The following ADAMTSL3 variants were observed in gnomAD, a reference collection of about 807,000 sequenced individuals.
The protein encoded by ADAMTSL3 is ADAMTS like 3, also known as ADAMTS-like protein 3.
In ADAMTSL3, 128 loss-of-function variants were observed where a neutral mutation model predicts 201.7. That is an observed-to-expected ratio of 0.63 (90% CI 0.55 to 0.73). The LOEUF (loss-of-function observed/expected upper bound fraction) is 0.73. Ranked by LOEUF, ADAMTSL3 falls within the 30% of genes least tolerant of loss-of-function variation. ADAMTSL3 has a pLI of 0.00. For missense variants in ADAMTSL3, 1,990 were observed against 2,119.6 expected (o/e 0.94, Z 1.20); for synonymous variants, 738 against 748.4 (o/e 0.99, Z 0.23).
chr15:83,764,648 G>A (rs76673266), intron 3 of ADAMTSL3, among the ~76,000 whole-genome samples: 1,632 of 152,114 alleles, frequency 0.011, 41 homozygotes, highest in African/African-American at 0.036. Context: ...CCCATCTAGC[G>A]TGCAGGGCCA....
At chr15:83,922,799 G>T (rs946009620) in intron 16 of ADAMTSL3, among the ~76,000 whole-genome samples, 1 of 152,138 alleles carries the variant, frequency 6.6e-6, no homozygotes, top group Non-Finnish European at 1.5e-5. Context: ...ACTGTAAAAT[G>T]GTTGAATTGA....
chr15:83,923,845 T>G, intron 16 of ADAMTSL3, 59 bp from the exon 17 acceptor site: 1 of 1,595,280 alleles, frequency 6.3e-7, no homozygotes, highest in Non-Finnish European at 8.6e-7. Flanking sequence ...CTCTATTTTC[T>G]TTTTTCCACA....
chr15:83,842,537 G>A (rs1049700731), intron 7 of ADAMTSL3, among the ~76,000 whole-genome samples: 2 of 152,180 alleles, frequency 1.3e-5, no homozygotes, highest in Non-Finnish European at 2.9e-5. Flanking sequence ...CTGAGAGGGG[G>A]ATAAGGGAAC....
chr15:83,847,428 CA>C (rs1490301794), intron 7 of ADAMTSL3, among the ~76,000 whole-genome samples: 8 of 151,914 alleles, frequency 5.3e-5, no homozygotes, highest in African/African-American at 1.9e-4. Flanking sequence ...GAGCTTGAAG[CA>C]AACCTTACTA....
At chr15:83,879,498 C>G (rs2065234794) in intron 9 of ADAMTSL3, among the ~76,000 whole-genome samples, 1 of 152,086 alleles carries the variant, frequency 6.6e-6, no homozygotes, top group Non-Finnish European at 1.5e-5. Flanking sequence ...ATTATATATT[C>G]TTTGACTTGT....
chr15:83,805,908 A>G (rs76402678), intron 5 of ADAMTSL3, among the ~76,000 whole-genome samples: 1 of 152,188 alleles, frequency 6.6e-6, no homozygotes, highest in Non-Finnish European at 1.5e-5. Flanking sequence ...ACCACTGCAG[A>G]CACATGTAGT....
intron 4 of ADAMTSL3, among the ~76,000 whole-genome samples, chr15:83,787,292 T>C (rs2063280262): frequency 6.6e-6 from 1 of 152,202 alleles, no homozygotes; most frequent in African/African-American, 2.4e-5. Flanking sequence ...GCATAGATGG[T>C]GTAATTCATC....
At chr15:83,913,407 T>C in intron 16 of ADAMTSL3, 29 bp downstream of exon 16, 1 of 1,603,332 alleles carries the variant, frequency 6.2e-7, no homozygotes, top group Non-Finnish European at 8.5e-7. Flanking sequence ...AAGGGACAGT[T>C]ATGTTGTGTG....
intron 15 of ADAMTSL3, among the ~76,000 whole-genome samples, chr15:83,901,757 C>T (rs2065728535): frequency 6.6e-6 from 1 of 152,170 alleles, no homozygotes; most frequent in South Asian, 2.1e-4. Context: ...CTAAATGCTG[C>T]TGGAACCTTC....
chr15:83,797,641 A>G lies in ADAMTSL3; in HGVS notation c.318-7009A>G, dbSNP rs1308359603. On this transcript the variant is annotated intron_variant, in intron 4 of 29. Coordinates refer to ENST00000286744, the MANE Select transcript of ADAMTSL3 (RefSeq NM_207517.3). ...AAGAATATGAAATGACATATTTCAC[A>G]TTCTTCATATTGGGAAAAAAAAGTT... Among the ~76,000 whole-genome samples the G allele has an allele frequency of 2.0e-5, 3 of 152,296 alleles. No individual in the cohort carries two copies. In the East Asian group the frequency reaches 5.8e-4, roughly 29 times the overall value.
chr15:83,839,140 G>A (rs1302395334), intron 7 of ADAMTSL3, among the ~76,000 whole-genome samples: 1 of 152,144 alleles, frequency 6.6e-6, no homozygotes, highest in Non-Finnish European at 1.5e-5. Flanking sequence ...CCCCTTGTTG[G>A]TGGTATTCAG....
intron 19 of ADAMTSL3, among the ~76,000 whole-genome samples, chr15:83,967,151 T>A (rs1349027983): frequency 6.6e-6 from 1 of 152,148 alleles, no homozygotes; most frequent in Non-Finnish European, 1.5e-5. Flanking sequence ...CCACTCTTAT[T>A]TAACATAGTA....
intron 3 of ADAMTSL3, among the ~76,000 whole-genome samples, chr15:83,761,474 C>A (rs2062807678): frequency 1.3e-5 from 2 of 152,148 alleles, no homozygotes; most frequent in African/African-American, 4.8e-5. Context: ...TAAGACTGGT[C>A]TGCTGAAGAT....
At chr15:83,703,598 C>A (rs2061805259) in intron 2 of ADAMTSL3, among the ~76,000 whole-genome samples, 3 of 152,172 alleles carry the variant, frequency 2.0e-5, no homozygotes, top group South Asian at 4.1e-4. Context: ...ATCCCTCTCA[C>A]TTTCTCTTGT....
intron 2 of ADAMTSL3, among the ~76,000 whole-genome samples, chr15:83,668,935 T>C (rs912241613): frequency 3.3e-5 from 5 of 152,206 alleles, no homozygotes; most frequent in African/African-American, 7.2e-5. Context: ...CATGAGTCTT[T>C]TAAGCTTCTG....
At chr15:83,971,116 C>A (rs2067187255) in intron 20 of ADAMTSL3, among the ~76,000 whole-genome samples, 2 of 152,110 alleles carry the variant, frequency 1.3e-5, no homozygotes, top group South Asian at 4.2e-4. Context: ...GTTTGTACAC[C>A]TCAATTAATT....
intron 19 of ADAMTSL3, among the ~76,000 whole-genome samples, chr15:83,959,079 T>C (rs1304679933): frequency 1.3e-5 from 2 of 152,120 alleles, no homozygotes; most frequent in Non-Finnish European, 2.9e-5. Flanking sequence ...CAAATTGCCA[T>C]ATTGAAAGGG....
intron 2 of ADAMTSL3, among the ~76,000 whole-genome samples, chr15:83,661,822 A>T (rs1464789801): frequency 6.7e-6 from 1 of 149,958 alleles, no homozygotes; most frequent in Non-Finnish European, 1.5e-5. Context: ...ACATGAAAAA[A>T]TGCTCATCAT....
chr15:83,883,591 T>G (rs984416644), intron 9 of ADAMTSL3, among the ~76,000 whole-genome samples: 3 of 152,058 alleles, frequency 2.0e-5, no homozygotes, highest in Admixed American at 1.3e-4. Context: ...AGTCTTGCTT[T>G]GTTTCCCAGA....
Sources: allele counts gnomAD v4.1 joint callset (sites outside exome capture counted in the v4.1 genomes callset), GRCh38; gene constraint gnomAD v4.1.1; transcripts MANE v1.5; gene names NCBI Gene and HGNC (gene_info 2026-07-23, HGNC 2026-07-21).